STPG2: variants seen among roughly 807,000 people sequenced by gnomAD.
STPG2 encodes the protein sperm-tail PG-rich repeat-containing protein 2.
Under a neutral mutation model 54.2 loss-of-function variants are expected in STPG2, and 56 were observed. The ratio of observed to expected loss-of-function variants is 1.03; its 90% CI spans 0.83 to 1.29. The LOEUF (loss-of-function observed/expected upper bound fraction) is 1.29. Ranked by LOEUF, STPG2 falls within the 50% of genes most tolerant of loss-of-function variation. The pLI is 0.00. For missense variants in STPG2, 596 were observed against 544.9 expected, an observed-to-expected ratio of 1.09 and a Z score of -0.93; for synonymous variants, 200 against 181.8, an observed-to-expected ratio of 1.10 and a Z score of -0.81.
chr4:97,699,897 C>G (rs1723710323), intron 10 of STPG2, among the ~76,000 whole-genome samples: 1 of 152,168 alleles, frequency 6.6e-6, no homozygotes, highest in Admixed American at 6.5e-5. Flanking sequence ...TCAGGACCTG[C>G]TTGAGCCTGA....
intron 4 of STPG2, among the ~76,000 whole-genome samples, chr4:98,107,831 A>C (rs1578173116): frequency 6.6e-6 from 1 of 152,070 alleles, no homozygotes; most frequent in East Asian, 1.9e-4. Flanking sequence ...AGAAAAGGAT[A>C]GGATTAAAAT....
At chr4:97,693,956 C>T (rs1723466856) in intron 10 of STPG2, among the ~76,000 whole-genome samples, 1 of 152,026 alleles carries the variant, frequency 6.6e-6, no homozygotes, top group African/African-American at 2.4e-5. Flanking sequence ...TTAAAAGACT[C>T]TGAACTGAAT....
chr4:97,702,073 G>C (rs951478224), intron 10 of STPG2, among the ~76,000 whole-genome samples: 1 of 152,126 alleles, frequency 6.6e-6, no homozygotes, highest in African/African-American at 2.4e-5. Context: ...GGATGAGTAG[G>C]TCTAAAGACT....
intron 5 of STPG2, among the ~76,000 whole-genome samples, chr4:98,088,556 G>A (rs1373240934): frequency 6.7e-6 from 1 of 149,730 alleles, no homozygotes; most frequent in African/African-American, 2.5e-5. Flanking sequence ...TTATTATTAA[G>A]TTATTTAAAA....
chr4:97,853,845 G>C (rs775640741), intron 8 of STPG2, among the ~76,000 whole-genome samples: 1 of 152,102 alleles, frequency 6.6e-6, no homozygotes, highest in Non-Finnish European at 1.5e-5. Flanking sequence ...GCAGTGACAT[G>C]ATCACAGTTC....
At chr4:97,972,466 T>A (rs1734364569) in intron 6 of STPG2, 26 bp from the exon 7 acceptor site, 1 of 1,357,254 alleles carries the variant, frequency 7.4e-7, no homozygotes, top group African/African-American at 1.5e-5. Flanking sequence ...GTATCATATA[T>A]AAGAATAAGC....
At chr4:98,017,503 T>C (rs1289371418) in intron 5 of STPG2, among the ~76,000 whole-genome samples, 1 of 152,210 alleles carries the variant, frequency 6.6e-6, no homozygotes, top group African/African-American at 2.4e-5. Flanking sequence ...CTCTGCACTA[T>C]CCTGCTCAGG....
chr4:97,924,528 T>TCTA (rs1732261497), intron 8 of STPG2, among the ~76,000 whole-genome samples: 1 of 152,216 alleles, frequency 6.6e-6, no homozygotes, highest in Admixed American at 6.5e-5. Flanking sequence ...GACTCATATT[T>TCTA]CTACATGTAA....
intron 9 of STPG2, among the ~76,000 whole-genome samples, chr4:97,780,683 A>T (rs1269968370): frequency 1.3e-5 from 2 of 148,684 alleles, no homozygotes; most frequent in African/African-American, 5.0e-5. Context: ...AGTTGGAAGT[A>T]AAGCACTTCT....
intron 8 of STPG2, among the ~76,000 whole-genome samples, chr4:97,932,620 G>A (rs1015739397): frequency 6.6e-6 from 1 of 152,112 alleles, no homozygotes; most frequent in South Asian, 2.1e-4. Flanking sequence ...TGCAGTGTTT[G>A]GTTTTCTGTT....
intron 8 of STPG2, among the ~76,000 whole-genome samples, chr4:97,906,345 A>G (rs1389677115): frequency 1.3e-5 from 2 of 152,202 alleles, no homozygotes; most frequent in Non-Finnish European, 2.9e-5. Context: ...ATACACCAAT[A>G]AAAGGATCTG....
At chr4:97,519,648 G>T (rs1489147829) in intron 4 of STPG2, among the ~76,000 whole-genome samples, 3 of 152,024 alleles carry the variant, frequency 2.0e-5, no homozygotes, top group Admixed American at 1.3e-4. Flanking sequence ...GATGATCCTG[G>T]TCAAGAATGT....
At chr4:97,662,084 T>C (rs1722390893) in intron 10 of STPG2, among the ~76,000 whole-genome samples, 1 of 152,122 alleles carries the variant, frequency 6.6e-6, no homozygotes, top group Non-Finnish European at 1.5e-5. Flanking sequence ...AAATTATCAA[T>C]AGAGTAAACA....
intron 4 of STPG2, among the ~76,000 whole-genome samples, chr4:97,520,752 GCACT>G (rs1165567859): frequency 6.6e-6 from 1 of 151,880 alleles, no homozygotes; most frequent in Non-Finnish European, 1.5e-5. Flanking sequence ...ATCTTTATAG[GCACT>G]CACGAGAAAC....
intron 3 of STPG2, among the ~76,000 whole-genome samples, chr4:98,122,190 T>C (rs1418968429): frequency 1.3e-5 from 2 of 152,216 alleles, no homozygotes; most frequent in Non-Finnish European, 2.9e-5. Flanking sequence ...ATAAACTTTA[T>C]GTCTCTCTCT....
At chr4:97,632,690 G>A (rs532673162) in intron 10 of STPG2, among the ~76,000 whole-genome samples, 1 of 152,050 alleles carries the variant, frequency 6.6e-6, no homozygotes, top group Non-Finnish European at 1.5e-5. Context: ...CCATGCTAAA[G>A]AATGACAATA....
chr4:98,088,586 T>G (rs987896926), intron 5 of STPG2, among the ~76,000 whole-genome samples: 1 of 151,626 alleles, frequency 6.6e-6, no homozygotes, highest in African/African-American at 2.4e-5. Context: ...TAGATCTTAT[T>G]TTGGCAGTAT....
intron 4 of STPG2, among the ~76,000 whole-genome samples, chr4:97,490,985 C>T (rs1277755295): frequency 6.6e-6 from 1 of 151,552 alleles, no homozygotes; most frequent in African/African-American, 2.4e-5. Flanking sequence ...ATTTTATTCT[C>T]TTTCTGATTC....
chr4:97,793,368 T>TACAC (rs1483459576), intron 9 of STPG2, among the ~76,000 whole-genome samples: 4 of 136,120 alleles, frequency 2.9e-5, no homozygotes, highest in African/African-American at 1.2e-4. Flanking sequence ...GAGTTTTATA[T>TACAC]ATACACACAC....
Sources: allele counts gnomAD v4.1 joint callset (sites outside exome capture counted in the v4.1 genomes callset), GRCh38; gene constraint gnomAD v4.1.1; transcripts MANE v1.5; gene names NCBI Gene and HGNC (gene_info 2026-07-23, HGNC 2026-07-21).